SPATA7: variants seen among roughly 807,000 people sequenced by gnomAD.
SPATA7 encodes spermatogenesis associated 7.
A neutral mutation model predicts 51.8 loss-of-function variants in SPATA7; 43 were observed. That is an observed-to-expected ratio of 0.83 (90% CI 0.65 to 1.07). SPATA7 has a LOEUF of 1.07. SPATA7 is among the 50% of genes least tolerant of loss of function. The pLI is 0.00. For synonymous variants in SPATA7, 230 were observed against 252.8 expected, an observed-to-expected ratio of 0.91 and a Z score of 0.86; for missense variants, 683 against 701.3, an observed-to-expected ratio of 0.97 and a Z score of 0.30.
downstream of SPATA7, among the ~76,000 whole-genome samples, chr14:88,457,872 A>G: frequency 6.6e-6 from 1 of 152,132 alleles, no homozygotes; most frequent in Non-Finnish European, 1.5e-5. Context: ...TTTGTCATAA[A>G]TAGCTCTTAT....
At chr14:88,459,466 C>T (rs959401717), downstream of SPATA7, among the ~76,000 whole-genome samples, 11 of 152,158 alleles carry the variant, frequency 7.2e-5, no homozygotes, top group African/African-American at 2.4e-4. Context: ...GATCCCTTTA[C>T]CATTATGTAA....
chr14:88,417,305 T>G (rs917480503), intron 5 of SPATA7, among the ~76,000 whole-genome samples: 38 of 30,444 alleles, frequency 1.2e-3, no homozygotes, highest in East Asian at 2.5e-3. Flanking sequence ...ATCTGTGGGG[T>G]TTTTTTTTTT....
chr14:88,425,935 C>T (rs894914613), intron 5 of SPATA7, among the ~76,000 whole-genome samples: 9 of 152,156 alleles, frequency 5.9e-5, no homozygotes, highest in Non-Finnish European at 1.2e-4. Context: ...ATAAAACTGA[C>T]ATCTCCCAAT....
At chr14:88,397,602 C>T (rs925946769) in intron 4 of SPATA7, among the ~76,000 whole-genome samples, 2 of 149,646 alleles carry the variant, frequency 1.3e-5, no homozygotes, top group African/African-American at 4.9e-5. Flanking sequence ...ATGATCATGC[C>T]ACTGCACTCT....
At position 88,445,297 on chromosome 14, in the gene SPATA7, G is replaced by T. The variant is rs544687817; in HGVS notation, c.177+7394G>T. Among the ~76,000 whole-genome samples the T allele has an allele frequency of 1.1e-3, 158 of 149,764 alleles. 3 individuals carry two copies. In the East Asian group the frequency reaches 0.023, roughly 22 times the overall value. Reference sequence around the variant, plus strand: ...TTTGGCTCTCTGTTTGTCTGTTGTTGGTGTATAAGAATGCTTGTGATTTTT... The same window carrying T: ...TTTGGCTCTCTGTTTGTCTGTTGTTTGTGTATAAGAATGCTTGTGATTTTT... On this transcript the variant is annotated intron_variant, in intron 3 of 3. Transcript: ENST00000554802.
intron 1 of SPATA7, among the ~76,000 whole-genome samples, chr14:88,388,451 C>T (rs2075643433): frequency 1.3e-5 from 2 of 152,180 alleles, no homozygotes; most frequent in African/African-American, 4.8e-5. Flanking sequence ...GAATGATGTT[C>T]TTTTCCTTGG....
At chr14:88,448,757 G>T (rs144405087) in intron 3 of SPATA7, among the ~76,000 whole-genome samples, 2,118 of 152,222 alleles carry the variant, frequency 0.014, 48 homozygotes, top group African/African-American at 0.048. Flanking sequence ...TGAGGTGTCA[G>T]TCTGCCCCTG....
chr14:88,446,260 T>A (rs2077211587), intron 3 of SPATA7, among the ~76,000 whole-genome samples: 1 of 152,172 alleles, frequency 6.6e-6, no homozygotes, highest in Non-Finnish European at 1.5e-5. Flanking sequence ...GATTTTCTAG[T>A]TTATTTGCAT....
chr14:88,414,733 G>A (rs2076428915), intron 4 of SPATA7: 3 of 369,288 alleles, frequency 8.1e-6, no homozygotes, highest in Admixed American at 3.8e-5. Context: ...AGAAATTTTG[G>A]TATGTTGTGT....
chr14:88,397,992 G>A (rs1449702638), intron 4 of SPATA7, among the ~76,000 whole-genome samples: 1 of 151,846 alleles, frequency 6.6e-6, no homozygotes, highest in African/African-American at 2.4e-5. Context: ...TGAGGCAGGA[G>A]AATGGCGTGA....
At chr14:88,419,206 A>G (rs2076567685) in intron 5 of SPATA7, among the ~76,000 whole-genome samples, 1 of 152,082 alleles carries the variant, frequency 6.6e-6, no homozygotes, top group Non-Finnish European at 1.5e-5. Flanking sequence ...TTTGATTTAC[A>G]TATTTTGAAT....
intron 6 of SPATA7, 146 bp downstream of exon 6, chr14:88,426,850 C>T: frequency 1.3e-6 from 1 of 784,994 alleles, no homozygotes; most frequent in Non-Finnish European, 2.1e-6. Flanking sequence ...TTTCCTTTTC[C>T]ATGTATCACT....
intron 4 of SPATA7, among the ~76,000 whole-genome samples, chr14:88,461,197 C>G (rs962010537): frequency 1.1e-4 from 17 of 152,230 alleles, no homozygotes; most frequent in African/African-American, 3.9e-4. Context: ...TCTCAGATCT[C>G]AAACTCCTTT....
At position 88,426,411 on chromosome 14, in the gene SPATA7, T is replaced by G. The variant is rs1014013650; in HGVS notation, c.552T>G (p.Asp184Glu). Residue 184 changes from aspartate to glutamate, a missense_variant, in exon 6 of 12, where the codon GAT becomes GAG. Physicochemically the swap from Asp to Glu is conservative, Grantham distance 45. Coordinates refer to ENST00000393545, the MANE Select transcript of SPATA7 (RefSeq NM_018418.5). ...KNSSSSPSSV[D>E]YAASGPRKLS... ...CCAGTTCCTCCCCGTCCAGTGTGGA[T>G]TATGCAGCCTCCGGGCCCCGGAAAC... is the stretch of plus-strand genomic sequence containing the variant. 1.9e-6 allele frequency: 3 copies of G among 1,614,048 alleles called. No individual in the cohort carries two copies. In the African/African-American group the frequency reaches 4.0e-5, roughly 22 times the overall value.
At chr14:88,401,084 T>C (rs1378442844) in intron 4 of SPATA7, among the ~76,000 whole-genome samples, 1 of 152,200 alleles carries the variant, frequency 6.6e-6, no homozygotes, top group African/African-American at 2.4e-5. Context: ...TTGATATAAG[T>C]GCAGAAATCT....
At chr14:88,447,769 T>G (rs1207064612) in intron 3 of SPATA7, among the ~76,000 whole-genome samples, 2 of 152,088 alleles carry the variant, frequency 1.3e-5, no homozygotes, top group Non-Finnish European at 1.5e-5. Flanking sequence ...GATATGAAAT[T>G]CTGGGTTGAA....
Position 88,469,442 on chromosome 14 carries a change from T to A in SPATA7, c.255-405T>A, listed in dbSNP as rs1179118492. ...AATATTTCGGAAACATAAATGTTCCTCTCTGTTTAACACCTCCAGAGGCAG... is the reference window on the plus strand; with the variant it reads ...AATATTTCGGAAACATAAATGTTCCACTCTGTTTAACACCTCCAGAGGCAG... On this transcript the variant is annotated intron_variant, in intron 4 of 4. Coordinates refer to the SPATA7 transcript ENST00000556406. This position sits in a 1 kb window ranked among gnomAD's most constrained non-coding sequence, Gnocchi z 4.3. The A allele has an allele frequency of 1.4e-6, 2 of 1,388,912 alleles. No homozygotes were observed. The highest frequency in any genetic ancestry group is 4.6e-5 in the East Asian group (2 of 43,776). The allele number at this position is 1,388,912 out of a possible 1,614,324, so 86.0% of individuals were successfully genotyped here.
chr14:88,386,074 C>T (rs1004879145), intron 1 of SPATA7: 1 of 1,405,968 alleles, frequency 7.1e-7, no homozygotes, highest in East Asian at 2.5e-5. Flanking sequence ...ACACCAGGGG[C>T]CCCTGTCTCC....
intron 4 of SPATA7, among the ~76,000 whole-genome samples, chr14:88,411,200 A>G (rs541946695): frequency 6.6e-6 from 1 of 152,246 alleles, no homozygotes; most frequent in African/African-American, 2.4e-5. Flanking sequence ...TCAAGCCTCA[A>G]TAAGGTGGAT....
Sources: gnomAD v4.1 joint callset for allele counts (sites outside exome capture counted in the v4.1 genomes callset) on GRCh38, gnomAD v4.1.1 for gene constraint, Gnocchi (gnomAD v3.1) non-coding constraint, MANE v1.5 for transcripts, NCBI Gene and HGNC (gene_info 2026-07-23, HGNC 2026-07-21) for gene names.